HDAC9: variants seen among roughly 807,000 people sequenced by gnomAD.
HDAC9 encodes the protein MEF-2 interacting transcription repressor (MITR) protein.
Under a neutral mutation model 139.4 loss-of-function variants are expected in HDAC9, and 41 were observed. The observed-to-expected ratio is 0.29, with a 90% CI of 0.23 to 0.38. The LOEUF (loss-of-function observed/expected upper bound fraction) is 0.38. HDAC9 is among the 10% of genes least tolerant of loss of function. The pLI is 1.00. For missense variants in HDAC9, 1,147 were observed against 1,297.0 expected (o/e 0.88, Z 1.78); for synonymous variants, 517 against 476.2 (o/e 1.09, Z -1.12).
intron 2 of HDAC9, among the ~76,000 whole-genome samples, chr7:18,576,175 C>G (rs544101978): frequency 6.6e-6 from 1 of 152,160 alleles, no homozygotes; most frequent in Admixed American, 6.5e-5. Flanking sequence ...ACTGAAAAAT[C>G]AGTGTGGCTT....
rs372757107 is a variant in HDAC9, at chr7:18,985,289, A to C, written c.3170+9336A>C. Among the ~76,000 whole-genome samples the C allele has an allele frequency of 8.8e-4, 134 of 151,950 alleles. 2 individuals carry two copies. The South Asian group carries it at 0.025, about 29-fold the overall frequency. ...CTGTGTCCATGTGTTCTCATTGTTC[A>C]ATTCCCACCTATGAGTGAGAATATG... is the stretch of plus-strand genomic sequence containing the variant. On this transcript the variant is annotated intron_variant, in intron 25 of 25. Coordinates refer to ENST00000686413, the MANE Select transcript of HDAC9 (RefSeq NM_178425.4).
At chr7:18,890,306 C>A (rs921505250) in intron 22 of HDAC9, among the ~76,000 whole-genome samples, 34 of 152,186 alleles carry the variant, frequency 2.2e-4, no homozygotes, top group African/African-American at 6.8e-4. Context: ...TTGATAACAG[C>A]ATATAACTAT....
At chr7:18,326,965 A>T (rs1800498285) in intron 1 of HDAC9, among the ~76,000 whole-genome samples, 1 of 151,836 alleles carries the variant, frequency 6.6e-6, no homozygotes, top group Non-Finnish European at 1.5e-5. Flanking sequence ...ATGATTTTGG[A>T]TGCCTCATTA....
chr7:18,092,387 T>A (rs1782219560), intron 1 of HDAC9, among the ~76,000 whole-genome samples: 2 of 150,752 alleles, frequency 1.3e-5, no homozygotes. Context: ...AAGACCCTAT[T>A]TTTCTTTCTT....
At position 18,993,996 on chromosome 7, in the gene HDAC9, CCT is replaced by C. The variant is rs535207243; in HGVS notation, c.3171-2026_3171-2025del. Among the ~76,000 whole-genome samples the C allele has an allele frequency of 5.2e-4, 79 of 152,188 alleles. 2 individuals are homozygous for C. The South Asian group carries it at 0.016, about 32-fold the overall frequency. On this transcript the variant is annotated intron_variant, in intron 25 of 25. Coordinates refer to ENST00000686413, the MANE Select transcript of HDAC9 (RefSeq NM_178425.4). ...GCTTTCTATTGTACCTGCAAGTTGCCCTGTTTCAACCAAAGAGGCTTAATTTT... is the reference window on the plus strand; with the variant it reads ...GCTTTCTATTGTACCTGCAAGTTGCCGTTTCAACCAAAGAGGCTTAATTTT...
chr7:18,199,979 G>C (rs1365821827), intron 2 of HDAC9, among the ~76,000 whole-genome samples: 2 of 151,932 alleles, frequency 1.3e-5, no homozygotes, highest in Non-Finnish European at 2.9e-5. Context: ...TATGTATTCA[G>C]AAACATAAAA....
intron 2 of HDAC9, among the ~76,000 whole-genome samples, chr7:18,560,611 C>T (rs546609890): frequency 1.3e-5 from 2 of 152,144 alleles, no homozygotes; most frequent in Non-Finnish European, 2.9e-5. Context: ...TTTTTCTCTT[C>T]AACTTAGTGC....
intron 1 of HDAC9, among the ~76,000 whole-genome samples, chr7:18,437,157 AG>A (rs1791278942): frequency 6.6e-6 from 1 of 152,196 alleles, no homozygotes; most frequent in African/African-American, 2.4e-5. Flanking sequence ...TGCAGAAAGT[AG>A]CCTTTAAGGT....
chr7:18,794,850 G>T (rs920524596), intron 17 of HDAC9, among the ~76,000 whole-genome samples: 1 of 152,130 alleles, frequency 6.6e-6, no homozygotes, highest in African/African-American at 2.4e-5. Context: ...TAATTTTAAA[G>T]ATTATGCTGG....
chr7:18,701,637 T>C (rs1783496180), intron 12 of HDAC9, among the ~76,000 whole-genome samples: 1 of 152,210 alleles, frequency 6.6e-6, no homozygotes, highest in African/African-American at 2.4e-5. Context: ...TCAGAACCCA[T>C]TATAAATAAT....
chr7:18,764,584 T>C (rs933248627), intron 15 of HDAC9, among the ~76,000 whole-genome samples: 5 of 152,212 alleles, frequency 3.3e-5, no homozygotes, highest in Non-Finnish European at 7.3e-5. Flanking sequence ...CTTTTTTTGC[T>C]CTTTGTGGCA....
At chr7:18,154,529 C>G (rs1787030264) in intron 1 of HDAC9, among the ~76,000 whole-genome samples, 1 of 152,158 alleles carries the variant, frequency 6.6e-6, no homozygotes, top group Non-Finnish European at 1.5e-5. Flanking sequence ...CCAATGATTA[C>G]TTTACATTTA....
chr7:18,849,307 C>A (rs527942380), intron 21 of HDAC9, among the ~76,000 whole-genome samples: 1 of 151,778 alleles, frequency 6.6e-6, no homozygotes, highest in Non-Finnish European at 1.5e-5. Flanking sequence ...GATAACACAC[C>A]CTAAAGACAA....
chr7:18,582,876 A>T (rs1198027457), intron 2 of HDAC9, among the ~76,000 whole-genome samples: 1 of 152,160 alleles, frequency 6.6e-6, no homozygotes, highest in Admixed American at 6.5e-5. Context: ...ACTTGCCATA[A>T]ATAATCGTCT....
At chr7:18,278,922 A>G (rs1383971129) in intron 2 of HDAC9, among the ~76,000 whole-genome samples, 1 of 152,180 alleles carries the variant, frequency 6.6e-6, no homozygotes, top group African/African-American at 2.4e-5. Flanking sequence ...TCTGCTGTGG[A>G]AGTAGGTACT....
intron 1 of HDAC9, among the ~76,000 whole-genome samples, chr7:18,446,407 G>A (rs1215387616): frequency 6.6e-6 from 1 of 152,200 alleles, no homozygotes; most frequent in East Asian, 1.9e-4. Flanking sequence ...GTTGAGCATA[G>A]ATTTGACAGG....
At chr7:18,672,539 A>G (rs1017797036) in intron 12 of HDAC9, among the ~76,000 whole-genome samples, 2 of 152,046 alleles carry the variant, frequency 1.3e-5, no homozygotes, top group African/African-American at 4.8e-5. Flanking sequence ...TTTGATGCAC[A>G]AAAGTTTTGA....
chr7:18,554,812 A>C (rs960594151), intron 2 of HDAC9, among the ~76,000 whole-genome samples: 2 of 152,190 alleles, frequency 1.3e-5, no homozygotes, highest in African/African-American at 4.8e-5. Context: ...TGGGATGACT[A>C]TGAACCTGGT....
intron 6 of HDAC9, among the ~76,000 whole-genome samples, chr7:18,616,865 A>G (rs528687827): frequency 6.6e-6 from 1 of 152,326 alleles, no homozygotes; most frequent in Admixed American, 6.5e-5. Context: ...GAAGAGTTGA[A>G]TAGACTTAGA....
Sources: allele counts gnomAD v4.1 joint callset (sites outside exome capture counted in the v4.1 genomes callset), GRCh38; gene constraint gnomAD v4.1.1; transcripts MANE v1.5; gene names NCBI Gene and HGNC (gene_info 2026-07-23, HGNC 2026-07-21).